The following ERC1 variants were observed in gnomAD, a reference collection of about 807,000 sequenced individuals.
ERC1 encodes the protein RAB6 interacting protein 2.
Under a neutral mutation model 132.0 loss-of-function variants are expected in ERC1, and 56 were observed. The ratio of observed to expected loss-of-function variants is 0.42; its 90% CI spans 0.34 to 0.53. The LOEUF is 0.53. Among genes scored for constraint, ERC1 ranks in the 20% least tolerant of loss-of-function variants. ERC1 has a pLI of 0.03. For synonymous variants in ERC1, 478 were observed against 476.1 expected, an observed-to-expected ratio of 1.00 and a Z score of -0.05; for missense variants, 1,202 against 1,349.9, an observed-to-expected ratio of 0.89 and a Z score of 1.72.
chr12:1,399,644 A>AT (rs1186379309), intron 16 of ERC1, among the ~76,000 whole-genome samples: 1 of 152,204 alleles, frequency 6.6e-6, no homozygotes, highest in African/African-American at 2.4e-5. Flanking sequence ...ATAATATACT[A>AT]TGTTGCCTTT....
chr12:1,165,642 A>G (rs1349104763), intron 8 of ERC1, among the ~76,000 whole-genome samples: 1 of 152,118 alleles, frequency 6.6e-6, no homozygotes, highest in Non-Finnish European at 1.5e-5. Flanking sequence ...GAGAATTTTT[A>G]AGAACATTAA....
At chr12:1,114,643 C>T (rs1021714395) in intron 6 of ERC1, among the ~76,000 whole-genome samples, 1 of 152,068 alleles carries the variant, frequency 6.6e-6, no homozygotes, top group African/African-American at 2.4e-5. Flanking sequence ...AAAGACTCCA[C>T]GTTGTTACAG....
chr12:1,057,010 A>G (rs1973092716), intron 2 of ERC1, among the ~76,000 whole-genome samples: 1 of 152,208 alleles, frequency 6.6e-6, no homozygotes, highest in African/African-American at 2.4e-5. Flanking sequence ...TATTTGAATG[A>G]TATTGAATGG....
chr12:1,428,464 C>T (rs564677346), intron 17 of ERC1, among the ~76,000 whole-genome samples: 9 of 152,282 alleles, frequency 5.9e-5, no homozygotes, highest in Middle Eastern at 6.8e-3. Flanking sequence ...CCAGGCTGAT[C>T]TTAGCTCCAG....
At chr12:1,262,437 G>C (rs1396621447) in intron 13 of ERC1, among the ~76,000 whole-genome samples, 2 of 152,196 alleles carry the variant, frequency 1.3e-5, no homozygotes, top group African/African-American at 4.8e-5. Context: ...TTCTTAGCCA[G>C]ACCGGTCACT....
Position 1,231,671 on chromosome 12 carries a change from C to CT in ERC1, c.2352-5085dup, listed in dbSNP as rs35230333. ...TCTCATCTTTATTTCTGAAGAACAA[C>CT]TTTTTTTTTTTTTCCCTCTGATGGC... On this transcript the variant is annotated intron_variant, in intron 12 of 18. Coordinates refer to ENST00000360905, the MANE Select transcript of ERC1 (RefSeq NM_178040.4). Among the ~76,000 whole-genome samples, 452 of 146,846 alleles carry CT rather than the reference C, an allele frequency of 3.1e-3. 1 individual carries two copies. The highest frequency in any genetic ancestry group is 7.0e-3 in the Admixed American group (103 of 14,762).
chr12:1,080,773 G>A (rs1219164503), intron 2 of ERC1, among the ~76,000 whole-genome samples: 3 of 152,002 alleles, frequency 2.0e-5, no homozygotes, highest in Non-Finnish European at 4.4e-5. Context: ...GGAACTGTAA[G>A]TCCAATTAAA....
At chr12:1,355,321 TTTC>T (rs1248579227) in intron 15 of ERC1, among the ~76,000 whole-genome samples, 1 of 152,234 alleles carries the variant, frequency 6.6e-6, no homozygotes, top group Admixed American at 6.5e-5. Flanking sequence ...GTATTATTAT[TTTC>T]TTTTTTTTCA....
At chr12:1,123,283 A>T (rs1264954728) in intron 7 of ERC1, among the ~76,000 whole-genome samples, 1 of 152,154 alleles carries the variant, frequency 6.6e-6, no homozygotes, top group East Asian at 1.9e-4. Flanking sequence ...AACCCAGTTT[A>T]CCCAGTGGAG....
chr12:1,157,169 C>T (rs1462002908), intron 8 of ERC1, among the ~76,000 whole-genome samples: 20 of 152,142 alleles, frequency 1.3e-4, no homozygotes, highest in Admixed American at 1.3e-3. Flanking sequence ...GTGTCTCAGT[C>T]TCAGCCCACT....
chr12:1,473,004 G>T lies in ERC1; in HGVS notation c.3214-17089G>T, dbSNP rs75462985. On this transcript the variant is annotated intron_variant, in intron 18 of 18. Coordinates refer to ENST00000360905, the MANE Select transcript of ERC1 (RefSeq NM_178040.4). ...ATTTTGACTTTGGATAGACAGACCC[G>T]AATGGAGCCAAACTCTTGTTGTTTT... Among the ~76,000 whole-genome samples the T allele has an allele frequency of 3.7e-3, 568 of 152,118 alleles. 4 individuals are homozygous for T. The highest frequency in any genetic ancestry group is 0.013 in the African/African-American group (551 of 41,502).
At chr12:1,351,977 A>G (rs1280660468) in intron 15 of ERC1, among the ~76,000 whole-genome samples, 12 of 152,184 alleles carry the variant, frequency 7.9e-5, no homozygotes, top group Non-Finnish European at 1.6e-4. Flanking sequence ...AACGGTTGGT[A>G]AGTAAATCAC....
intron 8 of ERC1, among the ~76,000 whole-genome samples, chr12:1,169,224 C>G (rs1027765101): frequency 2.0e-5 from 3 of 152,202 alleles, no homozygotes; most frequent in Non-Finnish European, 2.9e-5. Context: ...ACCTAGGTCT[C>G]TCCTGATTGT....
intron 14 of ERC1, among the ~76,000 whole-genome samples, chr12:1,265,262 T>G (rs1016050354): frequency 5.3e-5 from 8 of 152,226 alleles, no homozygotes; most frequent in African/African-American, 1.9e-4. Flanking sequence ...GCCTCATTAT[T>G]TATTGACAAG....
chr12:1,138,181 T>C (rs111211630), intron 7 of ERC1, among the ~76,000 whole-genome samples: 9,462 of 101,010 alleles, frequency 0.094, 453 homozygotes, highest in Middle Eastern at 0.14. Context: ...GTATATAATA[T>C]ATATCATATA....
chr12:1,246,347 T>G (rs963955547), intron 13 of ERC1, among the ~76,000 whole-genome samples: 3 of 152,016 alleles, frequency 2.0e-5, no homozygotes, highest in Non-Finnish European at 4.4e-5. Context: ...AAAAAAAAGA[T>G]AGTATTTTAA....
At chr12:1,119,674 C>G (rs1246909754) in intron 7 of ERC1, among the ~76,000 whole-genome samples, 2 of 151,858 alleles carry the variant, frequency 1.3e-5, no homozygotes, top group Non-Finnish European at 2.9e-5. Context: ...CCACAGCCTC[C>G]CGAGTAGCTG....
intron 8 of ERC1, among the ~76,000 whole-genome samples, chr12:1,148,849 G>A (rs530063297): frequency 2.6e-5 from 4 of 152,166 alleles, no homozygotes; most frequent in South Asian, 4.2e-4. Flanking sequence ...TGATCCTCCC[G>A]CCTCGGCCTC....
intron 1 of ERC1, chr12:998,358 C>T (rs1171322092): frequency 6.6e-6 from 1 of 152,116 alleles, no homozygotes; most frequent in East Asian, 1.9e-4. Flanking sequence ...GCAGTTGGCA[C>T]CTATGATTCA....
Sources: allele counts gnomAD v4.1 joint callset (sites outside exome capture counted in the v4.1 genomes callset), GRCh38; gene constraint gnomAD v4.1.1; transcripts MANE v1.5; gene names NCBI Gene and HGNC (gene_info 2026-07-23, HGNC 2026-07-21).